The following TMEM64 variants were observed in gnomAD, a reference collection of about 807,000 sequenced individuals.
The protein encoded by TMEM64 is transmembrane protein 64.
Under a neutral mutation model 24.5 loss-of-function variants are expected in TMEM64, and 19 were observed. The ratio of observed to expected loss-of-function variants is 0.78; its 90% CI spans 0.54 to 1.14. The LOEUF is 1.14. Ranked by LOEUF, TMEM64 falls within the 50% of genes most tolerant of loss-of-function variation. The pLI is 0.00. For synonymous variants in TMEM64, 262 were observed against 224.7 expected (o/e 1.17, Z -1.49); for missense variants, 487 against 493.0 (o/e 0.99, Z 0.12).
Position 90,639,361 on chromosome 8 carries a change from A to AC in TMEM64, c.795+5749dup, listed in dbSNP as rs145622946. On this transcript the variant is annotated intron_variant, in intron 1 of 2. Coordinates refer to ENST00000458549, the MANE Select transcript of TMEM64 (RefSeq NM_001008495.4). ...CCAATTTATTTGAGAATCTGGTGTA[A>AC]CCCCCCTTCCACCCTCCCACCCACA... 4.7e-3 allele frequency among the ~76,000 whole-genome samples: 720 copies of AC among 151,974 alleles called. 4 individuals are homozygous for AC. The highest frequency in any genetic ancestry group is 0.017 in the African/African-American group (689 of 41,444).
chr8:90,636,887 G>C (rs1485200494), intron 1 of TMEM64, among the ~76,000 whole-genome samples: 3 of 152,152 alleles, frequency 2.0e-5, no homozygotes, highest in African/African-American at 7.2e-5. Flanking sequence ...TCTATGATGA[G>C]ATACCACAGC....
chr8:90,629,947 A>T (rs1809413332), intron 2 of TMEM64, among the ~76,000 whole-genome samples: 1 of 152,190 alleles, frequency 6.6e-6, no homozygotes, highest in Non-Finnish European at 1.5e-5. Context: ...AGTATTTTAA[A>T]TAAGATAGGG....
chr8:90,623,385 G>C lies in TMEM64; in HGVS notation c.*2286C>G, dbSNP rs1011148265. 1.3e-5 allele frequency: 2 copies of C among 152,270 alleles called. No homozygotes were observed. The highest frequency in any genetic ancestry group is 4.2e-4 in the South Asian group (2 of 4,818). 9.4% of individuals were successfully genotyped at this position (152,270 alleles called of 1,614,324 possible). A position where few individuals can be genotyped will look rare whatever the true frequency, so the allele number is the denominator to read the frequency against. On this transcript the variant is annotated 3_prime_UTR_variant, in exon 3 of 3. Coordinates refer to ENST00000458549, the MANE Select transcript of TMEM64 (RefSeq NM_001008495.4). ...AATAAGGCATGACAATGCTTTGCAC[G>C]ATTTATTGTGAGTGCAACTTAAAAA... is the stretch of plus-strand genomic sequence containing the variant.
In TMEM64 at chr8:90,645,103, C is replaced by T. The variant is rs773652938; in HGVS notation, c.795+8G>A. The T allele has an allele frequency of 2.5e-6, 4 of 1,596,328 alleles. No homozygotes were observed. In the East Asian group the frequency reaches 6.8e-5, roughly 27 times the overall value. ...TGGAGAGGGATAGGCCAGCGGGACCCCACTTACCGAAAACACTGCATTCTG... is the reference window on the plus strand; with the variant it reads ...TGGAGAGGGATAGGCCAGCGGGACCTCACTTACCGAAAACACTGCATTCTG... On this transcript the variant is annotated splice_region_variant and intron_variant, in intron 1 of 2. Transcript: ENST00000458549. This position sits in a 1 kb window ranked among gnomAD's most constrained non-coding sequence, Gnocchi z 4.2.
At chr8:90,642,378 T>G (rs1415078144) in intron 1 of TMEM64, among the ~76,000 whole-genome samples, 1 of 151,814 alleles carries the variant, frequency 6.6e-6, no homozygotes, top group Non-Finnish European at 1.5e-5. Flanking sequence ...ATTTCTCTAA[T>G]TATGGGCACA....
intron 1 of TMEM64, among the ~76,000 whole-genome samples, chr8:90,639,830 A>C (rs1809577149): frequency 6.6e-6 from 1 of 152,230 alleles, no homozygotes. Flanking sequence ...GAAAAAACAA[A>C]CATTGTTAAA....
rs987062405 is a variant in TMEM64 at position 90,624,635 on chromosome 8, C to G, written c.*1036G>C. 3.9e-5 allele frequency: 6 copies of G among 152,220 alleles called. No individual in the cohort carries two copies. Among genetic ancestry groups the G allele is most frequent in the African/African-American group, 1.5e-4 (6 of 41,352 alleles). 9.4% of individuals were successfully genotyped at this position (152,220 alleles called of 1,614,324 possible). A position where few individuals can be genotyped will look rare whatever the true frequency, so the allele number is the denominator to read the frequency against. ...AACCTACTTAAAGTAGGGCAAATAA[C>G]AAAATTTGGGCATATTTATAGTTTT... On this transcript the variant is annotated 3_prime_UTR_variant, in exon 3 of 3. Transcript: ENST00000458549.
At chr8:90,640,226 T>C (rs1809583908) in intron 1 of TMEM64, among the ~76,000 whole-genome samples, 4 of 152,208 alleles carry the variant, frequency 2.6e-5, no homozygotes, top group South Asian at 2.1e-4. Context: ...ACTTTAATAG[T>C]AAGAAGAAAT....
intron 2 of TMEM64, 118 bp downstream of exon 2, chr8:90,631,433 GA>G: frequency 2.2e-6 from 2 of 907,546 alleles, no homozygotes; most frequent in Non-Finnish European, 1.6e-6. Flanking sequence ...AAAGAACCAA[GA>G]AAAAAATCTA....
intron 1 of TMEM64, among the ~76,000 whole-genome samples, chr8:90,643,573 C>T (rs1809639730): frequency 6.6e-6 from 1 of 152,140 alleles, no homozygotes; most frequent in African/African-American, 2.4e-5. Context: ...GAGCCGAGGA[C>T]AGTAGTTGGC....
chr8:90,642,313 A>G (rs1477639917), intron 1 of TMEM64, among the ~76,000 whole-genome samples: 1 of 152,194 alleles, frequency 6.6e-6, no homozygotes, highest in East Asian at 1.9e-4. Flanking sequence ...CTATTTCCAA[A>G]GCCTGGGCCT....
intron 1 of TMEM64, among the ~76,000 whole-genome samples, chr8:90,633,736 G>A (rs1809474621): frequency 6.6e-6 from 1 of 152,020 alleles, no homozygotes; most frequent in Non-Finnish European, 1.5e-5. Context: ...TAAAAATGAT[G>A]TTTCATCATT....
rs754703099 is a variant in TMEM64 at position 90,645,564 on chromosome 8, G to A, written c.342C>T (p.Leu114=). 3.2e-6 allele frequency: 5 copies of A among 1,545,392 alleles called. No individual in the cohort carries two copies. Among genetic ancestry groups the A allele is most frequent in the Non-Finnish European group, 4.4e-6 (5 of 1,146,614 alleles). ...AEVRNWRCCC[L]GSTCWCRSLV... ...GGCTCCGGCACCAACAGGTGCTGCC[G>A]AGGCAGCAGCAGCGCCAGTTTCTCA... is the stretch of plus-strand genomic sequence containing the variant. The change falls in exon 1 of 3, where the codon CTC becomes CTT. Residue 114 remains leucine, a synonymous_variant. Coordinates refer to ENST00000458549, the MANE Select transcript of TMEM64 (RefSeq NM_001008495.4). The surrounding 1 kb of genome is among the most constrained non-coding windows in gnomAD (Gnocchi z 4.2).
chr8:90,630,208 A>G (rs1809416455), intron 2 of TMEM64, among the ~76,000 whole-genome samples: 1 of 152,198 alleles, frequency 6.6e-6, no homozygotes, highest in East Asian at 1.9e-4. Flanking sequence ...ATAGTTGCAT[A>G]TAACTTTTGC....
chr8:90,637,800 A>C (rs372018490), intron 1 of TMEM64, among the ~76,000 whole-genome samples: 136 of 152,328 alleles, frequency 8.9e-4, no homozygotes, highest in African/African-American at 3.2e-3. Context: ...AGAATTCAGA[A>C]GCGGCAACTA....
chr8:90,643,070 C>T (rs75718310), intron 1 of TMEM64, among the ~76,000 whole-genome samples: 4 of 152,070 alleles, frequency 2.6e-5, no homozygotes, highest in African/African-American at 9.7e-5. Context: ...ATGTAAGAGA[C>T]AAAATCAAAA....
At chr8:90,636,305 G>C (rs971088621) in intron 1 of TMEM64, among the ~76,000 whole-genome samples, 3 of 152,066 alleles carry the variant, frequency 2.0e-5, no homozygotes, top group Non-Finnish European at 4.4e-5. Flanking sequence ...GCCCAGGCTA[G>C]AGTGCAATGG....
Position 90,623,331 on chromosome 8 carries a change from A to C in TMEM64, c.*2340T>G, listed in dbSNP as rs938140777. On this transcript the variant is annotated 3_prime_UTR_variant, in exon 3 of 3. Coordinates refer to ENST00000458549, the MANE Select transcript of TMEM64 (RefSeq NM_001008495.4). ...CTGTAGATATGTGTTGCTGCCATAA[A>C]TCTGGGATGCAGGATTAAAAATGGA... The C allele has an allele frequency of 1.3e-5, 2 of 152,132 alleles. No individual in the cohort carries two copies. Among genetic ancestry groups the C allele is most frequent in the Admixed American group, 6.6e-5 (1 of 15,264 alleles). 9.4% of individuals were successfully genotyped at this position (152,132 alleles called of 1,614,324 possible).
rs1809292352 is a variant in TMEM64 at position 90,622,148 on chromosome 8, T to C, written c.*3523A>G. The C allele has an allele frequency of 6.6e-6, 1 of 152,184 alleles. No individual in the cohort carries two copies. The highest frequency in any genetic ancestry group is 6.5e-5 in the Admixed American group (1 of 15,284). The allele number at this position is 152,184 out of a possible 1,614,324, so 9.4% of individuals were successfully genotyped here. On this transcript the variant is annotated 3_prime_UTR_variant, in exon 3 of 3. Transcript: ENST00000458549. ...CAGCAATCACTTTGCAATTCATAAG[T>C]ATCAGGTTAGAATTTAGTTGTGGAA... is the stretch of plus-strand genomic sequence containing the variant.
Sources: allele counts gnomAD v4.1 joint callset (sites outside exome capture counted in the v4.1 genomes callset), GRCh38; gene constraint gnomAD v4.1.1; non-coding constraint Gnocchi (gnomAD v3.1); transcripts MANE v1.5; gene names NCBI Gene and HGNC (gene_info 2026-07-23, HGNC 2026-07-21).